The following IGFBPL1 variants were observed in gnomAD, a reference collection of about 807,000 sequenced individuals.
IGFBPL1 encodes the protein insulin-like growth factor-binding protein-like 1.
A neutral mutation model predicts 23.9 loss-of-function variants in IGFBPL1; 20 were observed. The ratio of observed to expected loss-of-function variants is 0.84; its 90% confidence interval spans 0.59 to 1.22. IGFBPL1 has a LOEUF of 1.22. IGFBPL1 is among the 50% of genes most tolerant of loss of function. The pLI is 0.00. For missense variants in IGFBPL1, 436 were observed against 379.3 expected (o/e 1.15, Z -1.24); for synonymous variants, 184 against 171.8 (o/e 1.07, Z -0.56).
chr9:38,413,249 C>G lies in IGFBPL1; in HGVS notation c.675G>C (p.Thr225=), dbSNP rs199532559. ...VRGGPSDHEA[T]AWILINPLRK... is the part of the protein sequence containing the mutation. ...CCTAAACACTCACCAAAATCCAGGC[C>G]GTGGCCTCATGGTCAGAAGGGCCCC... Residue 225 remains threonine (T), a synonymous_variant, in exon 3 of 5, where the codon ACG becomes ACC. Coordinates refer to ENST00000377694, the MANE Select transcript of IGFBPL1 (RefSeq NM_001007563.3). The G allele has an allele frequency of 1.2e-6, 2 of 1,609,566 alleles. No individual in the cohort carries two copies. Among genetic ancestry groups the G allele is most frequent in the Non-Finnish European group, 1.7e-6 (2 of 1,176,096 alleles).
At chr9:38,413,167 T>G in intron 3 of IGFBPL1, 70 bp downstream of exon 3, 1 of 1,015,532 alleles carries the variant, frequency 9.8e-7, no homozygotes, top group Non-Finnish European at 1.5e-6. Context: ...AAACATGTAA[T>G]GTGTTGTAGA....
intron 4 of IGFBPL1, among the ~76,000 whole-genome samples, chr9:38,410,837 A>C (rs1252393292): frequency 1.3e-5 from 2 of 152,236 alleles, no homozygotes; most frequent in African/African-American, 4.8e-5. Flanking sequence ...GTGTGACTAC[A>C]GACTAGGAGG....
intron 2 of IGFBPL1, 50 bp from the exon 3 acceptor site, chr9:38,413,403 A>C (rs374004217): frequency 1.7e-6 from 2 of 1,197,608 alleles, no homozygotes; most frequent in African/African-American, 3.0e-5. Context: ...GCAATTCTGG[A>C]TAAAGACCAT....
chr9:38,411,373 A>G lies in IGFBPL1; in HGVS notation c.*9+18T>C, dbSNP rs767600646. 19 of 1,597,986 alleles carry G rather than the reference A, an allele frequency of 1.2e-5. No individual in the cohort carries two copies. Among genetic ancestry groups the G allele is most frequent in the Non-Finnish European group, 1.6e-5 (19 of 1,170,200 alleles). On this transcript the variant is annotated intron_variant, in intron 4 of 4. Transcript: ENST00000377694. The stretch of plus-strand genomic sequence containing the variant: ...ATAACATGGGTGTAAAATACTGAAA[A>G]TGACTTAGAACATGTACATTTCTCC...
At chr9:38,417,001 T>G (rs576445898) in intron 1 of IGFBPL1, among the ~76,000 whole-genome samples, 1 of 152,332 alleles carries the variant, frequency 6.6e-6, no homozygotes, top group East Asian at 1.9e-4. Context: ...AATTTTAACA[T>G]ATTTTAACAT....
At chr9:38,420,771 A>G (rs1554662019) in intron 1 of IGFBPL1, among the ~76,000 whole-genome samples, 1 of 151,974 alleles carries the variant, frequency 6.6e-6, no homozygotes, top group Non-Finnish European at 1.5e-5. Flanking sequence ...CAGGAGGTGG[A>G]GCTTGCAGTG....
Position 38,413,398 on chromosome 9 carries a change from T to C in IGFBPL1, c.571-45A>G, listed in dbSNP as rs567135443. The C allele has an allele frequency of 3.1e-6, 4 of 1,294,106 alleles. No individual in the cohort carries two copies. In the Admixed American group the frequency reaches 7.0e-5, roughly 23 times the overall value. The allele number at this position is 1,294,106 out of a possible 1,614,324, so 80.2% of individuals were successfully genotyped here. A position where few individuals can be genotyped will look rare whatever the true frequency, so the allele number is the denominator to read the frequency against. On this transcript the variant is annotated intron_variant, in intron 2 of 4. Coordinates refer to ENST00000377694, the MANE Select transcript of IGFBPL1 (RefSeq NM_001007563.3). The stretch of plus-strand genomic sequence containing the variant: ...CAGGAGGGGGCTTAGAAAAAGCAAT[T>C]CTGGATAAAGACCATCCCATAGGCT...
chr9:38,424,329 G>T lies in IGFBPL1; in HGVS notation c.96C>A (p.Gly32=). Residue 32 remains glycine (G), a synonymous_variant, in exon 1 of 5, where the codon GGC becomes GGA. Transcript: ENST00000377694. ...LSPSLGIRDV[G]GRRPKCGPCR... is the part of the protein sequence containing the mutation. ...ACGGACCACACTTGGGGCGCCGGCC[G>T]CCCACGTCGCGGATCCCAAGGCTCG... 1 of 1,086,728 alleles carries T rather than the reference G, an allele frequency of 9.2e-7. No homozygotes were observed. Among genetic ancestry groups the T allele is most frequent in the Non-Finnish European group, 1.3e-6 (1 of 787,048 alleles). The allele number at this position is 1,086,728 out of a possible 1,614,324, so 67.3% of individuals were successfully genotyped here.
At position 38,415,441 on chromosome 9, in the gene IGFBPL1, C is replaced by A. The variant is rs145215145; in HGVS notation, c.461-1238G>T. The stretch of plus-strand genomic sequence containing the variant: ...AGGAAGGAGGTGACGGACAGCGTCG[C>A]ATCACACCCCAATGCTCAGGAGGAT... On this transcript the variant is annotated intron_variant, in intron 1 of 4. Coordinates refer to ENST00000377694, the MANE Select transcript of IGFBPL1 (RefSeq NM_001007563.3). Among the ~76,000 whole-genome samples the A allele has an allele frequency of 8.0e-3, 1,223 of 152,250 alleles. 20 individuals are homozygous for A. Among genetic ancestry groups the A allele is most frequent in the African/African-American group, 0.028 (1,174 of 41,544 alleles).
chr9:38,410,270 C>T (rs1293676110), intron 4 of IGFBPL1, among the ~76,000 whole-genome samples: 3 of 152,026 alleles, frequency 2.0e-5, no homozygotes, highest in Non-Finnish European at 4.4e-5. Context: ...ATCATGAAGT[C>T]GGGAGATCAA....
At chr9:38,422,288 C>T (rs1821690724) in intron 1 of IGFBPL1, among the ~76,000 whole-genome samples, 1 of 152,176 alleles carries the variant, frequency 6.6e-6, no homozygotes, top group Non-Finnish European at 1.5e-5. Context: ...GTCTGAATGT[C>T]TTTAAGGTGC....
rs889475835 is a variant in IGFBPL1 at position 38,414,037 on chromosome 9, A to T, written c.570+57T>A. ...ACGTCTGTTTCTCCCTCTTTCTCAC[A>T]CACACACACACACACACACACACAC... On this transcript the variant is annotated intron_variant, in intron 2 of 4. Coordinates refer to ENST00000377694, the MANE Select transcript of IGFBPL1 (RefSeq NM_001007563.3). 3.1e-4 allele frequency: 234 copies of T among 746,950 alleles called. No homozygotes were observed. The African/African-American group carries it at 3.5e-3, about 11-fold the overall frequency. The allele number at this position is 746,950 out of a possible 1,614,324, so 46.3% of individuals were successfully genotyped here. A position where few individuals can be genotyped will look rare whatever the true frequency, so the allele number is the denominator to read the frequency against.
chr9:38,414,555 G>A (rs1025102280), intron 1 of IGFBPL1, among the ~76,000 whole-genome samples: 2 of 152,142 alleles, frequency 1.3e-5, no homozygotes, highest in African/African-American at 2.4e-5. Flanking sequence ...CAGGAAAAAC[G>A]GCAGCCGACT....
chr9:38,414,744 CCCAGGGCTCCCCCA>C (rs1821568877), intron 1 of IGFBPL1, among the ~76,000 whole-genome samples: 1 of 152,116 alleles, frequency 6.6e-6, no homozygotes, highest in Non-Finnish European at 1.5e-5. Context: ...GTAAAGACTC[CCCAGGGCTCCCCCA>C]CTCCCTCTGC....
chr9:38,413,124 G>A, intron 3 of IGFBPL1, 113 bp downstream of exon 3: 1 of 731,462 alleles, frequency 1.4e-6, no homozygotes, highest in Non-Finnish European at 2.4e-6. Flanking sequence ...AGTTACTGGA[G>A]GGGCCAGTGA....
intron 1 of IGFBPL1, among the ~76,000 whole-genome samples, chr9:38,419,055 G>A (rs530744334): frequency 6.6e-6 from 1 of 151,650 alleles, no homozygotes; most frequent in African/African-American, 2.4e-5. Flanking sequence ...CAAATGAAAG[G>A]GATCAATATT....
intron 1 of IGFBPL1, among the ~76,000 whole-genome samples, chr9:38,422,110 AC>A (rs1310676188): frequency 1.3e-5 from 2 of 152,170 alleles, no homozygotes; most frequent in Non-Finnish European, 2.9e-5. Context: ...CACTCTGGTA[AC>A]CATGGTAACC....
intron 1 of IGFBPL1, 143 bp from the exon 2 acceptor site, chr9:38,414,346 AAG>A: frequency 1.7e-6 from 1 of 574,224 alleles, no homozygotes. Context: ...GGAATCCTAA[AAG>A]AGAGATTTCC....
intron 4 of IGFBPL1, 106 bp from the exon 5 acceptor site, chr9:38,409,323 C>A (rs1821478145): frequency 6.6e-6 from 1 of 152,234 alleles, no homozygotes; most frequent in African/African-American, 2.4e-5. Flanking sequence ...CTTCGAATCT[C>A]TCCCCAGCAG....
Sources: gnomAD v4.1 joint callset for allele counts (sites outside exome capture counted in the v4.1 genomes callset) on GRCh38, gnomAD v4.1.1 for gene constraint, MANE v1.5 for transcripts, NCBI Gene and HGNC (gene_info 2026-07-23, HGNC 2026-07-21) for gene names.